The following SEMA6D variants were observed in gnomAD, a reference collection of about 807,000 sequenced individuals.
SEMA6D encodes semaphorin-6D.
Under a neutral mutation model 106.6 loss-of-function variants are expected in SEMA6D, and 35 were observed. That is an observed-to-expected ratio of 0.33 (90% confidence interval 0.25 to 0.44). The LOEUF (loss-of-function observed/expected upper bound fraction) is 0.44, where lower values mean the gene tolerates loss of function less well. SEMA6D is among the 20% of genes least tolerant of loss of function. SEMA6D has a pLI of 1.00. For missense variants in SEMA6D, 1,185 were observed against 1,345.9 expected, an observed-to-expected ratio of 0.88 and a Z score of 1.87; for synonymous variants, 499 against 487.7, an observed-to-expected ratio of 1.02 and a Z score of -0.31.
intron 1 of SEMA6D, among the ~76,000 whole-genome samples, chr15:47,297,648 A>G (rs899224525): frequency 1.2e-4 from 19 of 152,162 alleles, no homozygotes; most frequent in African/African-American, 4.1e-4. Context: ...GCAAATAACT[A>G]CGGTTATTAC....
chr15:47,668,422 C>G (rs2078071272), intron 4 of SEMA6D, among the ~76,000 whole-genome samples: 1 of 152,190 alleles, frequency 6.6e-6, no homozygotes. Context: ...ATTCCAACAT[C>G]TTGGGTATAA....
chr15:47,771,692 G>A lies in SEMA6D; in HGVS notation c.3129G>A (p.Lys1043=). 1.2e-6 allele frequency: 2 copies of A among 1,614,062 alleles called. No homozygotes were observed. Among genetic ancestry groups the A allele is most frequent in the Non-Finnish European group, 1.7e-6 (2 of 1,179,964 alleles). The change falls in exon 19 of 19, where the codon AAG becomes AAA. Residue 1043 remains lysine (K), a synonymous_variant. Coordinates refer to ENST00000536845, the MANE Select transcript of SEMA6D (RefSeq NM_001358351.3). ...GCACTCTTCCTAGGACGGGACTAAA[G>A]AGGACGCCGTCCTTAAAACCTGACG... ...SNGTLPRTGL[K]RTPSLKPDVP...
intron 1 of SEMA6D, among the ~76,000 whole-genome samples, chr15:47,401,162 GTTATT>G (rs1161003246): frequency 6.6e-6 from 1 of 152,150 alleles, no homozygotes; most frequent in African/African-American, 2.4e-5. Flanking sequence ...AATGTTAGCT[GTTATT>G]TTAATTATTA....
chr15:47,403,435 G>T (rs1200266897), intron 1 of SEMA6D, among the ~76,000 whole-genome samples: 1 of 152,144 alleles, frequency 6.6e-6, no homozygotes, highest in African/African-American at 2.4e-5. Context: ...GTTCAATTTA[G>T]TGCGGGTCAA....
intron 3 of SEMA6D, among the ~76,000 whole-genome samples, chr15:47,486,001 A>C (rs1203581996): frequency 6.6e-6 from 1 of 152,206 alleles, no homozygotes; most frequent in Admixed American, 6.5e-5. Context: ...AGCTAGGGCA[A>C]TAGGGCCAGG....
At chr15:47,514,084 T>C (rs192736092) in intron 3 of SEMA6D, among the ~76,000 whole-genome samples, 313 of 152,316 alleles carry the variant, frequency 2.1e-3, no homozygotes, top group Admixed American at 3.5e-3. Context: ...CAGTGTGGTC[T>C]CATTACTTGC....
intron 1 of SEMA6D, among the ~76,000 whole-genome samples, chr15:47,214,701 A>G (rs1349373752): frequency 6.6e-6 from 1 of 152,194 alleles, no homozygotes; most frequent in Non-Finnish European, 1.5e-5. Context: ...TCTACAAAAA[A>G]ATGTTTTATC....
chr15:47,404,370 G>A (rs774968579), intron 1 of SEMA6D, among the ~76,000 whole-genome samples: 2 of 152,160 alleles, frequency 1.3e-5, no homozygotes, highest in Non-Finnish European at 2.9e-5. Flanking sequence ...CTGTAGGGTA[G>A]GTATTCTCCT....
intron 3 of SEMA6D, among the ~76,000 whole-genome samples, chr15:47,564,672 G>A (rs2046177265): frequency 6.6e-6 from 1 of 152,120 alleles, no homozygotes; most frequent in African/African-American, 2.4e-5. Context: ...AGGGAGAAAA[G>A]GGCGGGATCC....
intron 3 of SEMA6D, among the ~76,000 whole-genome samples, chr15:47,552,239 C>G (rs554382113): frequency 6.6e-5 from 10 of 151,948 alleles, no homozygotes; most frequent in Non-Finnish European, 1.3e-4. Context: ...ATATAAAATA[C>G]TGAGGAAAAC....
intron 1 of SEMA6D, among the ~76,000 whole-genome samples, chr15:47,391,334 C>T (rs1485452576): frequency 2.6e-5 from 4 of 152,166 alleles, no homozygotes; most frequent in Non-Finnish European, 5.9e-5. Context: ...ATCCTAAATG[C>T]TAGGTCAGTT....
At chr15:47,609,881 T>A (rs909554360) in intron 4 of SEMA6D, among the ~76,000 whole-genome samples, 2 of 152,212 alleles carry the variant, frequency 1.3e-5, no homozygotes, top group Non-Finnish European at 2.9e-5. Context: ...TGCCTGCCAC[T>A]GCCCCTGTGG....
intron 3 of SEMA6D, among the ~76,000 whole-genome samples, chr15:47,480,850 C>A (rs184861816): frequency 7.9e-5 from 12 of 152,218 alleles, no homozygotes; most frequent in African/African-American, 2.9e-4. Context: ...GTCTTTCTTC[C>A]CCTGGTGAAC....
intron 4 of SEMA6D, among the ~76,000 whole-genome samples, chr15:47,626,804 T>C (rs1460979705): frequency 6.6e-6 from 1 of 152,102 alleles, no homozygotes; most frequent in Non-Finnish European, 1.5e-5. Flanking sequence ...CCTTGAATTA[T>C]CTACCAAAAA....
chr15:47,237,562 G>A (rs537501416), intron 1 of SEMA6D, among the ~76,000 whole-genome samples: 1 of 152,088 alleles, frequency 6.6e-6, no homozygotes, highest in South Asian at 2.1e-4. Flanking sequence ...GGTGGCCTTA[G>A]CTGCTTGAAT....
intron 4 of SEMA6D, among the ~76,000 whole-genome samples, chr15:47,639,385 C>T (rs1022609405): frequency 6.6e-6 from 1 of 152,090 alleles, no homozygotes; most frequent in African/African-American, 2.4e-5. Context: ...TCCATGAATC[C>T]ATGCACTTAT....
intron 3 of SEMA6D, among the ~76,000 whole-genome samples, chr15:47,534,242 G>A (rs1410913504): frequency 6.6e-6 from 1 of 152,112 alleles, no homozygotes; most frequent in African/African-American, 2.4e-5. Context: ...CCAGGCTGGA[G>A]TACAGTGGCT....
intron 1 of SEMA6D, among the ~76,000 whole-genome samples, chr15:47,295,257 A>G (rs2035760363): frequency 6.6e-6 from 1 of 152,234 alleles, no homozygotes; most frequent in Non-Finnish European, 1.5e-5. Flanking sequence ...GTTTAAGAGC[A>G]TCAAGTGAGC....
At chr15:47,343,705 C>T (rs1225723836) in intron 1 of SEMA6D, among the ~76,000 whole-genome samples, 1 of 151,948 alleles carries the variant, frequency 6.6e-6, no homozygotes, top group Non-Finnish European at 1.5e-5. Context: ...TGAATAGTGC[C>T]GCAATAAACA....
Sources: gnomAD v4.1 joint callset for allele counts (sites outside exome capture counted in the v4.1 genomes callset) on GRCh38, gnomAD v4.1.1 for gene constraint, MANE v1.5 for transcripts, NCBI Gene and HGNC (gene_info 2026-07-23, HGNC 2026-07-21) for gene names.